Variants in ADH6 observed in about 807,000 individuals in gnomAD.
ADH6 encodes alcohol dehydrogenase 6 (class V).
In ADH6, 34 loss-of-function variants were observed where a neutral mutation model predicts 36.5. The observed-to-expected ratio is 0.93, with a 90% CI of 0.71 to 1.24. ADH6 has a LOEUF of 1.24. Among genes scored for constraint, ADH6 ranks in the 50% most tolerant of loss-of-function variants. The pLI is 0.00. For synonymous variants in ADH6, 161 were observed against 155.5 expected, an observed-to-expected ratio of 1.04 and a Z score of -0.26; for missense variants, 440 against 447.0, an observed-to-expected ratio of 0.98 and a Z score of 0.14.
At position 99,203,354 on chromosome 4, in the gene ADH6, A is replaced by G. The variant is rs902938970; in HGVS notation, c.*865T>C. 1 of 152,118 alleles carries G rather than the reference A, an allele frequency of 6.6e-6. No homozygotes were observed. The highest frequency in any genetic ancestry group is 2.1e-4 in the South Asian group (1 of 4,828). The allele number at this position is 152,118 out of a possible 1,614,324, so 9.4% of individuals were successfully genotyped here. ...GGAGAACTAAGAGGGGCTGGGGCAGAAAGTCAAAGGGTCGGGGTAGAAGGA... is the reference window on the plus strand; with the variant it reads ...GGAGAACTAAGAGGGGCTGGGGCAGGAAGTCAAAGGGTCGGGGTAGAAGGA... On this transcript the variant is annotated 3_prime_UTR_variant, in exon 9 of 9. Transcript: ENST00000394899.
chr4:99,208,991 A>G, intron 5 of ADH6, 63 bp from the exon 6 acceptor site: 1 of 1,527,102 alleles, frequency 6.5e-7, no homozygotes, highest in Non-Finnish European at 8.8e-7. Context: ...ACCTTTACTC[A>G]GTTGGGAAGG....
intron 1 of ADH6, among the ~76,000 whole-genome samples, chr4:99,217,887 A>C (rs1319286172): frequency 1.3e-5 from 2 of 152,122 alleles, no homozygotes; most frequent in African/African-American, 4.8e-5. Context: ...GTTATGGAGC[A>C]ACGAATGGAG....
In ADH6 at chr4:99,202,832, G is replaced by A. The variant is rs1579437043; in HGVS notation, c.*1387C>T. 5.0e-6 allele frequency: 2 copies of A among 397,916 alleles called. No homozygotes were observed. Among genetic ancestry groups the A allele is most frequent in the East Asian group, 3.6e-5 (1 of 28,064 alleles). 24.6% of individuals were successfully genotyped at this position (397,916 alleles called of 1,614,324 possible). On this transcript the variant is annotated 3_prime_UTR_variant, in exon 9 of 9. Coordinates refer to ENST00000394899, the MANE Select transcript of ADH6 (RefSeq NM_001102470.2). Reference sequence around the variant, plus strand: ...AAATAGAAGAGCAGAGCAGAGTTGGGCATGGAGGCTCCAGCTCAGACTTGG... The same window carrying A: ...AAATAGAAGAGCAGAGCAGAGTTGGACATGGAGGCTCCAGCTCAGACTTGG...
Position 99,213,645 on chromosome 4 carries a change from C to T in ADH6, c.223G>A (p.Val75Ile), listed in dbSNP as rs201537738. The T allele has an allele frequency of 3.6e-5, 58 of 1,613,504 alleles. No homozygotes were observed. Among genetic ancestry groups the T allele is most frequent in the Middle Eastern group, 1.6e-4 (1 of 6,078 alleles). Residue 75 changes from valine to isoleucine, a missense_variant, in exon 3 of 9, where the codon GTT (valine) becomes ATT (isoleucine). Coordinates refer to ENST00000394899, the MANE Select transcript of ADH6 (RefSeq NM_001102470.2). ...CTTACTCCTTCTCCAATACTCTCAACGATTCCAGCCCCTTCATGGCCCAAG... is the reference window on the plus strand; with the variant it reads ...CTTACTCCTTCTCCAATACTCTCAATGATTCCAGCCCCTTCATGGCCCAAG... ...TILGHEGAGI[V>I]ESIGEGVSTV...
intron 8 of ADH6, 67 bp from the exon 9 acceptor site, chr4:99,204,310 A>C (rs1303060473): frequency 6.3e-7 from 1 of 1,581,864 alleles, no homozygotes; most frequent in Admixed American, 1.8e-5. Context: ...TTTGGATTTC[A>C]AATTCTCACT....
rs753348310 is a variant in ADH6 at position 99,208,844 on chromosome 4, C to A, written c.652G>T (p.Ala218Ser). The change falls in exon 6 of 9, where the codon GCC (alanine) becomes TCC (serine). Residue 218 changes from alanine (A) to serine (S), a missense_variant. Transcript: ENST00000394899. ...VVMGCKAAGA[A>S]RIIGVDVNKE... The stretch of plus-strand genomic sequence containing the variant: ...TTGACATCCACTCCAATGATCCTGG[C>A]TGCTCCTGCTGCTTTACAACCCATG... 6.2e-7 allele frequency: 1 copy of A among 1,613,818 alleles called. No homozygotes were observed. Among genetic ancestry groups the A allele is most frequent in the Non-Finnish European group, 8.5e-7 (1 of 1,179,808 alleles).
intron 8 of ADH6, chr4:99,204,704 G>A (rs1316866561): frequency 1.4e-5 from 17 of 1,245,178 alleles, no homozygotes; most frequent in Non-Finnish European, 1.5e-5. Context: ...CAAAAGTAAC[G>A]GTAGGTGAAC....
rs1648489154 is a variant in ADH6 at position 99,203,918 on chromosome 4, A to G, written c.*301T>C. ...ATAAAGGTCCACAGGTAGAGGAACT[A>G]TGAAAATGGGAGCATCTTGCATTGA... On this transcript the variant is annotated 3_prime_UTR_variant, in exon 9 of 9. Transcript: ENST00000394899. 3.0e-6 allele frequency: 1 copy of G among 336,910 alleles called. No homozygotes were observed. The highest frequency in any genetic ancestry group is 2.1e-5 in the African/African-American group (1 of 46,512). The allele number at this position is 336,910 out of a possible 1,614,324, so 20.9% of individuals were successfully genotyped here. A position where few individuals can be genotyped will look rare whatever the true frequency, so the allele number is the denominator to read the frequency against.
Position 99,205,060 on chromosome 4 carries a change from C to A in ADH6, c.968G>T (p.Trp323Leu), listed in dbSNP as rs747846911. ...RSLKGSVFGGWKSRQHIPKLV... is the reference protein window; with the variant it reads ...RSLKGSVFGGLKSRQHIPKLV... ...TTTAGGGATGTGCTGTCTGCTCTTC[C>A]AGCCTGGAAATACAGATTAATGATG... The change falls in exon 8 of 9, where the codon TGG (tryptophan) becomes TTG (leucine). Residue 323 changes from tryptophan (W) to leucine (L), a missense_variant. Transcript: ENST00000394899. 7.7e-6 allele frequency: 12 copies of A among 1,567,434 alleles called. No individual in the cohort carries two copies. Among genetic ancestry groups the A allele is most frequent in the South Asian group, 2.4e-5 (2 of 83,176 alleles).
chr4:99,205,119 G>C, intron 7 of ADH6, 56 bp from the exon 8 acceptor site: 1 of 1,489,286 alleles, frequency 6.7e-7, no homozygotes, highest in East Asian at 2.4e-5. Flanking sequence ...ATAAAGGAAA[G>C]GTCATTCAAA....
chr4:99,207,668 A>T, intron 6 of ADH6, 87 bp from the exon 7 acceptor site: 1 of 1,383,116 alleles, frequency 7.2e-7, no homozygotes, highest in African/African-American at 1.4e-5. Flanking sequence ...TTAACTCCTA[A>T]ATGGTCTATG....
intron 2 of ADH6, among the ~76,000 whole-genome samples, chr4:99,215,065 A>G (rs1731354989): frequency 2.0e-5 from 3 of 152,188 alleles, no homozygotes; most frequent in African/African-American, 4.8e-5. Flanking sequence ...TCTTGGTTCA[A>G]ATTCACTGGT....
At chr4:99,212,623 T>G (rs1312095605) in intron 3 of ADH6, among the ~76,000 whole-genome samples, 1 of 152,042 alleles carries the variant, frequency 6.6e-6, no homozygotes, top group Non-Finnish European at 1.5e-5. Flanking sequence ...TGACCACATC[T>G]CTCCATTTTT....
At chr4:99,212,446 A>T (rs557774277) in intron 3 of ADH6, among the ~76,000 whole-genome samples, 1 of 152,310 alleles carries the variant, frequency 6.6e-6, no homozygotes, top group South Asian at 2.1e-4. Flanking sequence ...AGTAATTAAC[A>T]TGTTAAACAC....
chr4:99,211,273 A>C (rs1731217026), intron 3 of ADH6, among the ~76,000 whole-genome samples: 1 of 152,118 alleles, frequency 6.6e-6, no homozygotes, highest in African/African-American at 2.4e-5. Context: ...ACCAGTAACC[A>C]CGATATTTTT....
At chr4:99,206,586 G>A (rs1423213113) in intron 7 of ADH6, among the ~76,000 whole-genome samples, 2 of 147,770 alleles carry the variant, frequency 1.4e-5, no homozygotes, top group Non-Finnish European at 3.0e-5. Context: ...TTTTTTGCTG[G>A]TCCTGCCATG....
rs933906602 is a variant in ADH6 at position 99,204,974 on chromosome 4, T to A, written c.1054A>T (p.Asn352Tyr). Residue 352 changes from asparagine to tyrosine, a missense_variant, in exon 8 of 9, where the codon AAT becomes TAT. Physicochemically the swap from Asn to Tyr is moderately radical, Grantham distance 143 (BLOSUM62 -2). Transcript: ENST00000394899. ...ACTGCTTCATTGATTTTATCAAGAT[T>A]CAGAGTATGAGTAATTAGTGGATCT... The part of the protein sequence containing the change: ...NLDPLITHTL[N>Y]LDKINEAVEL... The A allele has an allele frequency of 1.2e-6, 2 of 1,609,924 alleles. No homozygotes were observed. The highest frequency in any genetic ancestry group is 3.4e-5 in the Admixed American group (2 of 59,440).
intron 3 of ADH6, among the ~76,000 whole-genome samples, chr4:99,213,399 TTC>T (rs1437927177): frequency 6.6e-6 from 1 of 152,032 alleles, no homozygotes; most frequent in African/African-American, 2.4e-5. Flanking sequence ...TTCTTGTTTT[TTC>T]TTATTTTCAA....
chr4:99,213,768 A>AC, intron 2 of ADH6, 21 bp from the exon 3 acceptor site: 1 of 1,566,432 alleles, frequency 6.4e-7, no homozygotes, highest in Non-Finnish European at 8.6e-7. Context: ...GGCAAAGGGT[A>AC]CTGCAGTTCC....
Sources: allele counts gnomAD v4.1 joint callset (sites outside exome capture counted in the v4.1 genomes callset), GRCh38; gene constraint gnomAD v4.1.1; transcripts MANE v1.5; gene names NCBI Gene and HGNC (gene_info 2026-07-23, HGNC 2026-07-21).